Variants in ARHGAP39 observed in about 807,000 individuals in gnomAD.
The protein encoded by ARHGAP39 is Rho GTPase activating protein 39, also known as rho GTPase-activating protein 39.
ARHGAP39 carries 44 observed loss-of-function variants against 106.9 expected under a neutral mutation model. The observed-to-expected ratio is 0.41, with a 90% CI of 0.32 to 0.53. The LOEUF (loss-of-function observed/expected upper bound fraction) is 0.53, where lower values mean the gene tolerates loss of function less well. ARHGAP39 is among the 20% of genes least tolerant of loss of function. The pLI is 0.21. For missense variants in ARHGAP39, 1,496 were observed against 1,577.3 expected (o/e 0.95, Z 0.87); for synonymous variants, 768 against 693.2 (o/e 1.11, Z -1.69).
chr8:144,634,821 C>T (rs1374720093), intron 1 of ARHGAP39, among the ~76,000 whole-genome samples: 4 of 145,974 alleles, frequency 2.7e-5, no homozygotes, highest in African/African-American at 1.0e-4. Context: ...CCTCTGCAGG[C>T]GCAGTCTCCA....
At chr8:144,584,455 G>A (rs1474124013) in intron 2 of ARHGAP39, among the ~76,000 whole-genome samples, 4 of 148,740 alleles carry the variant, frequency 2.7e-5, no homozygotes, top group Non-Finnish European at 5.9e-5. Context: ...ATGGACAATG[G>A]GAGCTCTATC....
At chr8:144,655,436 C>A (rs1440195390) in intron 1 of ARHGAP39, among the ~76,000 whole-genome samples, 3 of 152,262 alleles carry the variant, frequency 2.0e-5, no homozygotes, top group African/African-American at 7.2e-5. Flanking sequence ...CAGCCCAATC[C>A]AGGGCTTCTT....
rs556608924 is a variant in ARHGAP39, at chr8:144,676,968, C to T, written c.-82+8718G>A. 3.9e-5 allele frequency among the ~76,000 whole-genome samples: 6 copies of T among 152,380 alleles called. No homozygotes were observed. In the East Asian group the frequency reaches 1.2e-3, roughly 29 times the overall value. On this transcript the variant is annotated intron_variant, in intron 1 of 11. Coordinates refer to ENST00000377307, the MANE Select transcript of ARHGAP39 (RefSeq NM_025251.3). ...TACTTTTAGTATAGACAGGGTTTCA[C>T]CATGTTGGTCAGGATGGTCTTGATC...
At chr8:144,631,204 T>A (rs1013545745) in intron 1 of ARHGAP39, among the ~76,000 whole-genome samples, 2 of 151,970 alleles carry the variant, frequency 1.3e-5, no homozygotes, top group Admixed American at 1.3e-4. Context: ...TCCAAACACC[T>A]CCCGCCAGAC....
intron 1 of ARHGAP39, among the ~76,000 whole-genome samples, chr8:144,627,505 A>C (rs1231963141): frequency 6.8e-6 from 1 of 147,784 alleles, no homozygotes; most frequent in African/African-American, 2.5e-5. Context: ...CAGTGAGCTG[A>C]GATCGCACCA....
chr8:144,581,396 A>G lies in ARHGAP39; in HGVS notation c.81-119T>C, dbSNP rs530967651. 1.2e-4 allele frequency: 135 copies of G among 1,137,734 alleles called. 1 individual carries two copies. The African/African-American group carries it at 1.8e-3, about 16-fold the overall frequency. 70.5% of individuals were successfully genotyped at this position (1,137,734 alleles called of 1,614,324 possible). On this transcript the variant is annotated intron_variant, in intron 2 of 11. Coordinates refer to ENST00000377307, the MANE Select transcript of ARHGAP39 (RefSeq NM_025251.3). ...AACCCAGAAATCCTGTCATAGAGGAAAGCAAACCCAAGCCCAGTCCGCCCC... is the reference window on the plus strand; with the variant it reads ...AACCCAGAAATCCTGTCATAGAGGAGAGCAAACCCAAGCCCAGTCCGCCCC...
At chr8:144,558,890 T>A (rs1053017100) in intron 3 of ARHGAP39, among the ~76,000 whole-genome samples, 1 of 151,020 alleles carries the variant, frequency 6.6e-6, no homozygotes, top group Non-Finnish European at 1.5e-5. Flanking sequence ...CTGGCCAACA[T>A]AGCAAAACCT....
In ARHGAP39 at chr8:144,646,990, GAC is replaced by G. The variant is rs1447333951; in HGVS notation, c.-82+38694_-82+38695del. Reference sequence around the variant, plus strand: ...ATTTTTTTTTTTTTTTTTTTTTTGAGACAGAGTCTCGCTTTATAGCCAGGCTG... The same window carrying G: ...ATTTTTTTTTTTTTTTTTTTTTTGAGAGAGTCTCGCTTTATAGCCAGGCTG... On this transcript the variant is annotated intron_variant, in intron 1 of 11. Coordinates refer to ENST00000377307, the MANE Select transcript of ARHGAP39 (RefSeq NM_025251.3). This position sits in a 1 kb window ranked among gnomAD's most constrained non-coding sequence, Gnocchi z 5.7. 1.5e-5 allele frequency among the ~76,000 whole-genome samples: 2 copies of G among 133,222 alleles called. No individual in the cohort carries two copies. The highest frequency in any genetic ancestry group is 3.1e-5 in the Non-Finnish European group (2 of 64,100). 87.4% of individuals were successfully genotyped at this position (133,222 alleles called of 152,430 possible).
rs1822506347 is a variant in ARHGAP39, at chr8:144,684,087, CAG to C, written c.-82+1597_-82+1598del. 1.3e-5 allele frequency among the ~76,000 whole-genome samples: 2 copies of C among 152,226 alleles called. No homozygotes were observed. Among genetic ancestry groups the C allele is most frequent in the Non-Finnish European group, 2.9e-5 (2 of 68,038 alleles). On this transcript the variant is annotated intron_variant, in intron 1 of 11. Transcript: ENST00000377307. This position sits in a 1 kb window ranked among gnomAD's most constrained non-coding sequence, Gnocchi z 4.4. ...GCCAGTAAACAGAAGAGTCGCGACT[CAG>C]AGGCGGGCAGCCTGGCTCCAGAACC...
intron 1 of ARHGAP39, among the ~76,000 whole-genome samples, chr8:144,614,638 C>T (rs1210264619): frequency 6.6e-6 from 1 of 152,214 alleles, no homozygotes; most frequent in Non-Finnish European, 1.5e-5. Context: ...CAGGTGTGAG[C>T]CACCGTGCCT....
At chr8:144,534,299 G>A in intron 7 of ARHGAP39, 97 bp from the exon 8 acceptor site, 1 of 1,400,698 alleles carries the variant, frequency 7.1e-7, no homozygotes, top group African/African-American at 1.4e-5. Context: ...GGCCCTGGGG[G>A]GCTGGGCTGG....
At chr8:144,664,815 A>G (rs1382609922) in intron 1 of ARHGAP39, among the ~76,000 whole-genome samples, 3 of 152,220 alleles carry the variant, frequency 2.0e-5, no homozygotes, top group African/African-American at 7.2e-5. Flanking sequence ...TGTAAGTCCA[A>G]TTAAACTTCT....
In ARHGAP39 at chr8:144,619,605, T is replaced by A. The variant is rs118021726; in HGVS notation, c.-81-13910A>T. ...GAGACTGTGTGTCCCTGAGAGAGCG[T>A]GCATGTCCGTGTGTGAGCCTGTGTG... is the stretch of plus-strand genomic sequence containing the variant. On this transcript the variant is annotated intron_variant, in intron 1 of 11. Coordinates refer to ENST00000377307, the MANE Select transcript of ARHGAP39 (RefSeq NM_025251.3). Among the ~76,000 whole-genome samples, 19 of 150,526 alleles carry A rather than the reference T, an allele frequency of 1.3e-4. No homozygotes were observed. The East Asian group carries it at 3.8e-3, about 30-fold the overall frequency.
intron 1 of ARHGAP39, among the ~76,000 whole-genome samples, chr8:144,622,160 G>A (rs755824760): frequency 1.4e-4 from 22 of 152,160 alleles, no homozygotes; most frequent in Non-Finnish European, 2.8e-4. Flanking sequence ...CAGGCAGACC[G>A]CCTCTGCCTC....
At chr8:144,615,231 G>A (rs1820602626) in intron 1 of ARHGAP39, among the ~76,000 whole-genome samples, 1 of 152,198 alleles carries the variant, frequency 6.6e-6, no homozygotes, top group Admixed American at 6.5e-5. Flanking sequence ...TAAGGTGAGA[G>A]GATCGCTGAC....
intron 5 of ARHGAP39, 104 bp from the exon 6 acceptor site, chr8:144,545,914 A>G: frequency 9.6e-7 from 1 of 1,037,366 alleles, no homozygotes; most frequent in Non-Finnish European, 1.4e-6. Flanking sequence ...GCCCCACCAG[A>G]GCCAGCCAGG....
At chr8:144,627,284 G>C (rs2976597) in intron 1 of ARHGAP39, among the ~76,000 whole-genome samples, 136,626 of 152,158 alleles carry the variant, frequency 0.9, 62,633 homozygotes, top group Non-Finnish European at 1. Flanking sequence ...GGCCGGGCGC[G>C]GTGGCTCATG....
intron 2 of ARHGAP39, among the ~76,000 whole-genome samples, chr8:144,593,062 C>T (rs951078730): frequency 5.3e-5 from 8 of 152,170 alleles, no homozygotes; most frequent in Admixed American, 4.6e-4. Context: ...TGGAAGGATG[C>T]AAGATGTCTA....
At position 144,618,592 on chromosome 8, in the gene ARHGAP39, GCCTCAGCCATGCGCCCTCCAT is replaced by G. The variant is rs546076288; in HGVS notation, c.-81-12918_-81-12898del. Among the ~76,000 whole-genome samples, 202 of 152,340 alleles carry G rather than the reference GCCTCAGCCATGCGCCCTCCAT, an allele frequency of 1.3e-3. 1 individual carries two copies. Among genetic ancestry groups the G allele is most frequent in the African/African-American group, 3.4e-3 (142 of 41,574 alleles). On this transcript the variant is annotated intron_variant, in intron 1 of 11. Transcript: ENST00000377307. ...CAGGCAGGCAGAGCCCCGAGGACGC[GCCTCAGCCATGCGCCCTCCAT>G]CCCCAGGCCCAGGGCCAGCCTCAGC...
Sources: gnomAD v4.1 joint callset for allele counts (sites outside exome capture counted in the v4.1 genomes callset) on GRCh38, gnomAD v4.1.1 for gene constraint, Gnocchi (gnomAD v3.1) non-coding constraint, MANE v1.5 for transcripts, NCBI Gene and HGNC (gene_info 2026-07-23, HGNC 2026-07-21) for gene names.